Variants in DOCK4 observed in about 807,000 individuals in gnomAD.
DOCK4 encodes the protein dedicator of cytokinesis 4.
DOCK4 carries 97 observed loss-of-function variants against 268.1 expected under a neutral mutation model. That is an observed-to-expected ratio of 0.36 (90% CI 0.31 to 0.43). DOCK4 has a LOEUF of 0.43. DOCK4 is among the 20% of genes least tolerant of loss of function. The pLI is 1.00. For missense variants in DOCK4, 2,145 were observed against 2,455.7 expected (o/e 0.87, Z 2.67); for synonymous variants, 954 against 887.2 (o/e 1.08, Z -1.34).
At chr7:111,874,335 C>A (rs1164607775) in intron 17 of DOCK4, among the ~76,000 whole-genome samples, 1 of 152,036 alleles carries the variant, frequency 6.6e-6, no homozygotes, top group Non-Finnish European at 1.5e-5. Flanking sequence ...GGTGGCTATG[C>A]TGGCTACCAA....
In DOCK4 at chr7:111,841,502, G is replaced by C. The variant is rs868144443; in HGVS notation, c.2736+3261C>G. Among the ~76,000 whole-genome samples the C allele has an allele frequency of 2.0e-5, 3 of 151,992 alleles. No individual in the cohort carries two copies. In the South Asian group the frequency reaches 6.2e-4, roughly 32 times the overall value. ...AAGAAACAGAGGCTTAGAGACATTA[G>C]TAACTTGACCAACATCACAGAGTCA... On this transcript the variant is annotated intron_variant, in intron 25 of 52. Transcript: ENST00000428084.
In DOCK4 at chr7:111,779,837, T is replaced by C. The variant is rs888995012; in HGVS notation, c.3586-1468A>G. Among the ~76,000 whole-genome samples the C allele has an allele frequency of 3.9e-5, 6 of 152,388 alleles. No individual in the cohort carries two copies. In the East Asian group the frequency reaches 9.6e-4, roughly 24 times the overall value. ...AAGTTGGATTCTAGTAAAAGCATAA[T>C]GTTGTGAGTCTCCAAACAAGACATG... On this transcript the variant is annotated intron_variant, in intron 35 of 52. Coordinates refer to ENST00000428084, the MANE Select transcript of DOCK4 (RefSeq NM_001363540.2).
Position 111,863,445 on chromosome 7 carries a change from C to G in DOCK4, c.2400G>C (p.Val800=). 6.2e-7 allele frequency: 1 copy of G among 1,614,006 alleles called. No homozygotes were observed. The highest frequency in any genetic ancestry group is 1.3e-5 in the African/African-American group (1 of 75,038). ...GTTTGATGGCCTGCAGGGAATCATC[C>G]ACATGCAGGATGGTCGGCAGACTGC... The part of the protein sequence containing the change: ...TLGSLPTILH[V]DDSLQAIKLQ... Residue 800 remains valine, a synonymous_variant, in exon 23 of 53, where the codon GTG becomes GTC. Coordinates refer to ENST00000428084, the MANE Select transcript of DOCK4 (RefSeq NM_001363540.2).
At chr7:111,926,669 A>G (rs548880544) in intron 12 of DOCK4, among the ~76,000 whole-genome samples, 39 of 149,726 alleles carry the variant, frequency 2.6e-4, no homozygotes, top group Non-Finnish European at 4.2e-4. Flanking sequence ...AAAATACAAT[A>G]AATAAATAAA....
At chr7:111,773,358 T>C (rs1402090987) in intron 36 of DOCK4, among the ~76,000 whole-genome samples, 4 of 152,206 alleles carry the variant, frequency 2.6e-5, no homozygotes, top group African/African-American at 4.8e-5. Flanking sequence ...TGATTTCTTA[T>C]GACTTTGGGG....
At chr7:112,023,938 G>A (rs1447639746) in intron 1 of DOCK4, among the ~76,000 whole-genome samples, 8 of 152,118 alleles carry the variant, frequency 5.3e-5, no homozygotes, top group Admixed American at 2.0e-4. Context: ...ACTAAGTGAC[G>A]CAGTACAGAA....
At chr7:112,065,971 G>A (rs1276274943) in intron 1 of DOCK4, among the ~76,000 whole-genome samples, 1 of 152,146 alleles carries the variant, frequency 6.6e-6, no homozygotes, top group Admixed American at 6.5e-5. Flanking sequence ...TGTCCAGAGT[G>A]GAGCTTCTGT....
chr7:112,159,013 T>G (rs1404523432), intron 1 of DOCK4, among the ~76,000 whole-genome samples: 1 of 152,218 alleles, frequency 6.6e-6, no homozygotes, highest in Non-Finnish European at 1.5e-5. Flanking sequence ...TGGCCTGCTC[T>G]GTGTTGGTTG....
In DOCK4 at chr7:111,868,093, C is replaced by A; in HGVS notation, c.2171G>T (p.Gly724Val). Residue 724 changes from glycine to valine, a missense_variant, in exon 22 of 53, where the codon GGT becomes GTT. Physicochemically the swap from Gly to Val is moderately radical, Grantham distance 109. Around this residue, in one of 2 missense-constraint regions of DOCK4, gnomAD observed 1,598 missense variants for 1,986.7 expected, o/e 0.80. Transcript: ENST00000428084. ...QSRRLFSLAT[G>V]GQNEEEFRCC... is the part of the protein sequence containing the mutation. ...GCGGAACTCCTCTTCGTTTTGCCCA[C>A]CAGTGGCAAGGGAAAACAGCCTTCG... 2 of 1,613,364 alleles carry A rather than the reference C, an allele frequency of 1.2e-6. No individual in the cohort carries two copies. Among genetic ancestry groups the A allele is most frequent in the Non-Finnish European group, 1.7e-6 (2 of 1,179,622 alleles).
intron 3 of DOCK4, among the ~76,000 whole-genome samples, chr7:112,000,013 GAA>G (rs1415408524): frequency 6.6e-6 from 1 of 152,078 alleles, no homozygotes. Context: ...GAAATGGTAA[GAA>G]AGATGGGTTT....
At chr7:112,146,009 C>A (rs1224003535) in intron 1 of DOCK4, among the ~76,000 whole-genome samples, 1 of 152,098 alleles carries the variant, frequency 6.6e-6, no homozygotes, top group Non-Finnish European at 1.5e-5. Context: ...AGATAATATT[C>A]TAACAGGATA....
chr7:111,735,909 G>A (rs1009153366), intron 50 of DOCK4, among the ~76,000 whole-genome samples: 4 of 152,130 alleles, frequency 2.6e-5, no homozygotes, highest in African/African-American at 9.7e-5. Context: ...TTTACCACTC[G>A]ACCATTTTCA....
intron 1 of DOCK4, among the ~76,000 whole-genome samples, chr7:112,175,813 T>TC (rs201166036): frequency 7.8e-6 from 1 of 128,210 alleles, no homozygotes; most frequent in Non-Finnish European, 1.5e-5. Context: ...TCTGCCCCCA[T>TC]CCCCTTTTTA....
At chr7:112,160,095 G>A (rs996256948) in intron 1 of DOCK4, among the ~76,000 whole-genome samples, 3 of 151,986 alleles carry the variant, frequency 2.0e-5, no homozygotes, top group South Asian at 4.2e-4. Flanking sequence ...AATATGAAAC[G>A]CTTCTGGTCC....
chr7:112,098,337 C>T (rs1296683442), intron 1 of DOCK4, among the ~76,000 whole-genome samples: 2 of 151,956 alleles, frequency 1.3e-5, no homozygotes, highest in African/African-American at 4.8e-5. Context: ...CACCACCACA[C>T]CCGAGTAACT....
At chr7:111,831,530 G>A (rs923808868) in intron 26 of DOCK4, among the ~76,000 whole-genome samples, 2 of 150,914 alleles carry the variant, frequency 1.3e-5, no homozygotes, top group Non-Finnish European at 2.9e-5. Context: ...TGTTGCCCAG[G>A]TTGGAGAGGA....
intron 23 of DOCK4, among the ~76,000 whole-genome samples, chr7:111,861,595 A>C (rs976392047): frequency 2.0e-4 from 30 of 151,992 alleles, no homozygotes; most frequent in African/African-American, 7.2e-4. Context: ...AAAATACAAA[A>C]ATTAGCCAGG....
intron 12 of DOCK4, among the ~76,000 whole-genome samples, chr7:111,926,811 C>T (rs886095982): frequency 2.0e-4 from 28 of 137,256 alleles, no homozygotes; most frequent in South Asian, 1.4e-3. Flanking sequence ...TCCAGCCTGG[C>T]GACAGCGTGA....
At chr7:112,064,576 A>C (rs1806748826) in intron 1 of DOCK4, among the ~76,000 whole-genome samples, 7 of 152,208 alleles carry the variant, frequency 4.6e-5, no homozygotes, top group Admixed American at 4.6e-4. Flanking sequence ...TCTTGGTCTC[A>C]GTAGCAAGTG....
Sources: gnomAD v4.1 joint callset for allele counts (sites outside exome capture counted in the v4.1 genomes callset) on GRCh38, gnomAD v4.1.1 for gene constraint, gnomAD v4.1.1 regional missense constraint, MANE v1.5 for transcripts, NCBI Gene and HGNC (gene_info 2026-07-23, HGNC 2026-07-21) for gene names.